MTSS1: variants seen among roughly 807,000 people sequenced by gnomAD.
MTSS1 encodes the protein protein MTSS 1.
A neutral mutation model predicts 79.0 loss-of-function variants in MTSS1; 18 were observed. The observed-to-expected ratio is 0.23, with a 90% CI of 0.16 to 0.34. The LOEUF is 0.34. MTSS1 is among the 10% of genes least tolerant of loss of function. MTSS1 has a pLI of 1.00. For synonymous variants in MTSS1, 341 were observed against 368.6 expected (o/e 0.93, Z 0.86); for missense variants, 815 against 986.2 (o/e 0.83, Z 2.33).
intron 6 of MTSS1, among the ~76,000 whole-genome samples, chr8:124,574,220 C>T (rs1009312620): frequency 1.1e-4 from 17 of 152,162 alleles, no homozygotes; most frequent in Non-Finnish European, 2.9e-5. Flanking sequence ...GCTGGGATCA[C>T]AGTGTGAGCC....
intron 7 of MTSS1, 117 bp downstream of exon 7, chr8:124,568,262 C>A: frequency 8.1e-7 from 1 of 1,230,482 alleles, no homozygotes; most frequent in Non-Finnish European, 1.1e-6. Context: ...CAGGAGATAC[C>A]ACCATCATGA....
intron 3 of MTSS1, among the ~76,000 whole-genome samples, chr8:124,664,617 CAT>C (rs1822710828): frequency 6.6e-6 from 1 of 152,204 alleles, no homozygotes; most frequent in African/African-American, 2.4e-5. Context: ...CCTCTGGTAA[CAT>C]AGAATTGCAG....
chr8:124,556,644 C>T (rs1415181036), intron 11 of MTSS1: 2 of 540,618 alleles, frequency 3.7e-6, no homozygotes, highest in Admixed American at 3.6e-5. Flanking sequence ...ATTAAAAACC[C>T]TCACCCACCA....
At chr8:124,712,726 G>A (rs928739768) in intron 1 of MTSS1, among the ~76,000 whole-genome samples, 4 of 152,144 alleles carry the variant, frequency 2.6e-5, no homozygotes, top group African/African-American at 9.7e-5. Flanking sequence ...ATCAATGGTT[G>A]CTTCCTCGCC....
intron 3 of MTSS1, among the ~76,000 whole-genome samples, chr8:124,633,521 C>T (rs1468807490): frequency 2.0e-5 from 3 of 151,822 alleles, no homozygotes; most frequent in African/African-American, 7.3e-5. Context: ...TTGTAATCCC[C>T]GCACTTTGGG....
intron 3 of MTSS1, among the ~76,000 whole-genome samples, chr8:124,659,864 T>G (rs1349141791): frequency 6.6e-6 from 1 of 152,196 alleles, no homozygotes; most frequent in African/African-American, 2.4e-5. Flanking sequence ...AACCCAGAAT[T>G]AGAGTCCAAA....
At chr8:124,626,585 G>A (rs1213860934) in intron 3 of MTSS1, among the ~76,000 whole-genome samples, 3 of 152,064 alleles carry the variant, frequency 2.0e-5, no homozygotes, top group South Asian at 2.1e-4. Flanking sequence ...GGCTGGAGGG[G>A]GGCAGAGTGT....
chr8:124,648,715 C>CCCCT (rs1554694569), intron 3 of MTSS1, among the ~76,000 whole-genome samples: 1 of 147,462 alleles, frequency 6.8e-6, no homozygotes. Context: ...AGCAGCCCCC[C>CCCCT]CCCAGATACT....
chr8:124,692,310 A>G (rs1828070305), intron 3 of MTSS1, among the ~76,000 whole-genome samples: 1 of 152,038 alleles, frequency 6.6e-6, no homozygotes, highest in South Asian at 2.1e-4. Context: ...AACTTTACAC[A>G]TTATATCAAT....
chr8:124,560,752 T>C (rs1825113231), intron 10 of MTSS1, among the ~76,000 whole-genome samples: 1 of 152,238 alleles, frequency 6.6e-6, no homozygotes, highest in South Asian at 2.1e-4. Flanking sequence ...AAGAACCTCT[T>C]GACTCAGATG....
intron 1 of MTSS1, among the ~76,000 whole-genome samples, chr8:124,725,022 T>C (rs775026619): frequency 1.3e-5 from 2 of 152,178 alleles, no homozygotes; most frequent in African/African-American, 2.4e-5. Context: ...CAGTAGGTGA[T>C]TTTGCACAAC....
intron 1 of MTSS1, among the ~76,000 whole-genome samples, chr8:124,714,268 A>G (rs1380501989): frequency 6.6e-6 from 1 of 152,182 alleles, no homozygotes; most frequent in Non-Finnish European, 1.5e-5. Context: ...AGGTCTTTCA[A>G]AACACCACTG....
At chr8:124,723,941 C>G (rs1588008871) in intron 1 of MTSS1, among the ~76,000 whole-genome samples, 1 of 152,322 alleles carries the variant, frequency 6.6e-6, no homozygotes, top group Non-Finnish European at 1.5e-5. Flanking sequence ...CCTGCAGAGA[C>G]TGATGCTCTT....
At chr8:124,716,018 G>A (rs981352027) in intron 1 of MTSS1, among the ~76,000 whole-genome samples, 8 of 152,314 alleles carry the variant, frequency 5.3e-5, no homozygotes, top group African/African-American at 1.4e-4. Context: ...CTCAATGTAC[G>A]ATGCCAATCA....
At chr8:124,716,823 C>T (rs949228070) in intron 1 of MTSS1, among the ~76,000 whole-genome samples, 1 of 151,856 alleles carries the variant, frequency 6.6e-6, no homozygotes, top group African/African-American at 2.4e-5. Flanking sequence ...GGTGAGCCCT[C>T]AAACATGGGA....
At chr8:124,631,039 G>A (rs946161685) in intron 3 of MTSS1, among the ~76,000 whole-genome samples, 3 of 152,204 alleles carry the variant, frequency 2.0e-5, no homozygotes, top group Non-Finnish European at 4.4e-5. Context: ...AGAAACATGT[G>A]TATAAGAAAG....
intron 6 of MTSS1, among the ~76,000 whole-genome samples, chr8:124,570,125 A>C (rs182929640): frequency 6.6e-6 from 1 of 152,334 alleles, no homozygotes; most frequent in Non-Finnish European, 1.5e-5. Flanking sequence ...GCACATCCCA[A>C]TAGAAAAGGT....
rs537844559 is a variant in MTSS1, at chr8:124,666,891, T to C, written c.208+32635A>G. Among the ~76,000 whole-genome samples, 17 of 151,698 alleles carry C rather than the reference T, an allele frequency of 1.1e-4. No individual in the cohort carries two copies. The East Asian group carries it at 3.1e-3, about 28-fold the overall frequency. ...CTAAGGAAAGAAAATCCATCAGCAGTAGGGAGAGGAGGAGGTCAATGGAGG... is the reference window on the plus strand; with the variant it reads ...CTAAGGAAAGAAAATCCATCAGCAGCAGGGAGAGGAGGAGGTCAATGGAGG... On this transcript the variant is annotated intron_variant, in intron 3 of 13. Coordinates refer to ENST00000518547, the MANE Select transcript of MTSS1 (RefSeq NM_014751.6).
chr8:124,609,617 A>C (rs1835437995), intron 3 of MTSS1, among the ~76,000 whole-genome samples: 1 of 152,220 alleles, frequency 6.6e-6, no homozygotes, highest in Admixed American at 6.5e-5. Flanking sequence ...GGAAGGAAAG[A>C]GAGACTAAGG....
Sources: allele counts gnomAD v4.1 joint callset (sites outside exome capture counted in the v4.1 genomes callset), GRCh38; gene constraint gnomAD v4.1.1; transcripts MANE v1.5; gene names NCBI Gene and HGNC (gene_info 2026-07-23, HGNC 2026-07-21).